The following RBFOX1 variants were observed in gnomAD, a reference collection of about 807,000 sequenced individuals.
RBFOX1 encodes RNA binding protein fox-1 homolog 1.
A neutral mutation model predicts 57.7 loss-of-function variants in RBFOX1; 8 were observed. The ratio of observed to expected loss-of-function variants is 0.14; its 90% confidence interval spans 0.08 to 0.25. RBFOX1 has a LOEUF of 0.25. Ranked by LOEUF, RBFOX1 falls within the 10% of genes least tolerant of loss-of-function variation. The pLI is 1.00. For missense variants in RBFOX1, 611 were observed against 548.5 expected (o/e 1.11, Z -1.14); for synonymous variants, 326 against 222.4 (o/e 1.47, Z -4.15).
intron 6 of RBFOX1, among the ~76,000 whole-genome samples, chr16:7,585,916 C>G (rs1037724060): frequency 1.3e-5 from 2 of 152,036 alleles, no homozygotes; most frequent in Non-Finnish European, 2.9e-5. Context: ...TTATCCTGCC[C>G]CACCCCTCAC....
chr16:5,252,270 G>T (rs2151080456), intron 1 of RBFOX1, among the ~76,000 whole-genome samples: 1 of 152,352 alleles, frequency 6.6e-6, no homozygotes, highest in East Asian at 1.9e-4. Context: ...TTGTATTTAT[G>T]CAGGGTTAGG....
intron 2 of RBFOX1, among the ~76,000 whole-genome samples, chr16:6,450,790 C>CATATAT (rs1202007078): frequency 5.7e-5 from 2 of 35,146 alleles, no homozygotes; most frequent in Non-Finnish European, 9.8e-5. Flanking sequence ...TATATATATA[C>CATATAT]ATATATATAT....
Position 6,352,351 on chromosome 16 carries a change from G to A in RBFOX1, c.-64+35294G>A, listed in dbSNP as rs528282082. ...TTGACCCATCATAGATAAACTATCC[G>A]TATTTGTTGAAATAATGATGCCACC... On this transcript the variant is annotated intron_variant, in intron 2 of 15. Transcript: ENST00000550418. Among the ~76,000 whole-genome samples, 13 of 152,196 alleles carry A rather than the reference G, an allele frequency of 8.5e-5. No homozygotes were observed. In the South Asian group the frequency reaches 1.5e-3, roughly 17 times the overall value.
chr16:6,155,657 C>T (rs2096833166), intron 1 of RBFOX1, among the ~76,000 whole-genome samples: 1 of 152,154 alleles, frequency 6.6e-6, no homozygotes, highest in Non-Finnish European at 1.5e-5. Flanking sequence ...GACTTTCTAT[C>T]CCACCAACTC....
intron 3 of RBFOX1, among the ~76,000 whole-genome samples, chr16:6,744,602 G>A (rs904651788): frequency 4.6e-5 from 7 of 151,948 alleles, no homozygotes; most frequent in South Asian, 2.1e-4. Context: ...CCTGTGGATC[G>A]AAGAGAAAAT....
chr16:7,328,757 G>A (rs992565330), intron 4 of RBFOX1: 1 of 152,122 alleles, frequency 6.6e-6, no homozygotes, highest in South Asian at 2.1e-4. Context: ...GGAAGCATTA[G>A]GAGAGAGAAG....
In RBFOX1 at chr16:6,362,750, A is replaced by T. The variant is rs962793269; in HGVS notation, c.-64+45693A>T. On this transcript the variant is annotated intron_variant, in intron 2 of 15. Transcript: ENST00000550418. ...GATGCCTGTGCAGTGGCCTGTGGGG[A>T]GATGGATGGCTTATTTTTTATTGAA... is the stretch of plus-strand genomic sequence containing the variant. Among the ~76,000 whole-genome samples, 7 of 152,230 alleles carry T rather than the reference A, an allele frequency of 4.6e-5. No individual in the cohort carries two copies. The East Asian group carries it at 1.2e-3, about 25-fold the overall frequency.
intron 4 of RBFOX1, among the ~76,000 whole-genome samples, chr16:7,268,552 C>T (rs545030539): frequency 1.3e-5 from 2 of 152,308 alleles, no homozygotes; most frequent in South Asian, 4.1e-4. Flanking sequence ...AATTGACTTG[C>T]TCTTTGCAGC....
At chr16:6,616,607 G>A (rs1030239392) in intron 2 of RBFOX1, among the ~76,000 whole-genome samples, 8 of 152,274 alleles carry the variant, frequency 5.3e-5, no homozygotes, top group Non-Finnish European at 8.8e-5. Context: ...ACCTGGAGGC[G>A]GAGCTTGCAG....
intron 1 of RBFOX1, among the ~76,000 whole-genome samples, chr16:5,306,252 C>T (rs538866234): frequency 6.6e-6 from 1 of 151,994 alleles, no homozygotes; most frequent in South Asian, 2.1e-4. Context: ...TTAGAACCTT[C>T]AGTGATTTGG....
At chr16:6,157,986 T>C (rs2096850506) in intron 1 of RBFOX1, among the ~76,000 whole-genome samples, 1 of 152,220 alleles carries the variant, frequency 6.6e-6, no homozygotes, top group African/African-American at 2.4e-5. Flanking sequence ...TGAGATATAC[T>C]AATTGGCTGA....
chr16:6,756,833 G>A (rs1389713164), intron 3 of RBFOX1, among the ~76,000 whole-genome samples: 1 of 152,032 alleles, frequency 6.6e-6, no homozygotes, highest in Admixed American at 6.6e-5. Flanking sequence ...AAATTAGCCA[G>A]GCGTGGTGGC....
intron 3 of RBFOX1, among the ~76,000 whole-genome samples, chr16:7,010,976 A>C (rs911314751): frequency 6.6e-6 from 1 of 152,148 alleles, no homozygotes; most frequent in Non-Finnish European, 1.5e-5. Flanking sequence ...TTAACTACTT[A>C]GGCTGTTCTT....
At chr16:5,703,517 G>C (rs540397991) in intron 3 of RBFOX1, among the ~76,000 whole-genome samples, 18 of 152,160 alleles carry the variant, frequency 1.2e-4, no homozygotes, top group Non-Finnish European at 2.6e-4. Context: ...TTCTTCCAAG[G>C]ATTTTGGTCT....
chr16:6,324,129 AT>A (rs1218498843), intron 2 of RBFOX1, among the ~76,000 whole-genome samples: 1 of 151,992 alleles, frequency 6.6e-6, no homozygotes, highest in Non-Finnish European at 1.5e-5. Context: ...GTAATTTCTC[AT>A]CCCTCACCTT....
chr16:7,017,505 A>G (rs1597118839), intron 3 of RBFOX1, among the ~76,000 whole-genome samples: 1 of 152,206 alleles, frequency 6.6e-6, no homozygotes, highest in African/African-American at 2.4e-5. Flanking sequence ...GATACTGCTA[A>G]CTCAGGAGTC....
At position 7,000,586 on chromosome 16, in the gene RBFOX1, C is replaced by CTTTTTTTTTTTTT. The variant is rs149516490; in HGVS notation, c.-15-51466_-15-51465insTTTTTTTTTTTTT. Among the ~76,000 whole-genome samples, 30 of 95,834 alleles carry CTTTTTTTTTTTTT rather than the reference C, an allele frequency of 3.1e-4. 1 individual carries two copies. The highest frequency in any genetic ancestry group is 1.0e-3 in the African/African-American group (30 of 29,332). The allele number at this position is 95,834 out of a possible 152,430, so 62.9% of individuals were successfully genotyped here. A position where few individuals can be genotyped will look rare whatever the true frequency, so the allele number is the denominator to read the frequency against. On this transcript the variant is annotated intron_variant, in intron 3 of 15. Coordinates refer to ENST00000550418, the MANE Select transcript of RBFOX1 (RefSeq NM_018723.4). Reference sequence around the variant, plus strand: ...TAAGTTTTCTTTTCTTTTTTTCTTTCTTTTTCTTTCTTTTTTTTTTTTTTT... The same window carrying CTTTTTTTTTTTTT: ...TAAGTTTTCTTTTCTTTTTTTCTTTCTTTTTTTTTTTTTTTTTTCTTTCTTTTTTTTTTTTTTT...
intron 4 of RBFOX1, among the ~76,000 whole-genome samples, chr16:5,905,680 C>G (rs902706158): frequency 3.3e-5 from 5 of 152,114 alleles, no homozygotes. Flanking sequence ...GAGGGAGACC[C>G]TGTCCAACGC....
rs371739158 is a variant in RBFOX1, at chr16:5,797,251, C to T, written c.319-70052C>T. ...TACCTTTTGGATCTTTGAAGGTAAA[C>T]TACATAGACTGGATTTGCATCAATG... is the stretch of plus-strand genomic sequence containing the variant. On this transcript the variant is annotated intron_variant, in intron 3 of 19. Transcript: ENST00000641259. 7.9e-5 allele frequency among the ~76,000 whole-genome samples: 12 copies of T among 152,282 alleles called. No homozygotes were observed. The East Asian group carries it at 1.2e-3, about 15-fold the overall frequency.
Sources: gnomAD v4.1 joint callset for allele counts (sites outside exome capture counted in the v4.1 genomes callset) on GRCh38, gnomAD v4.1.1 for gene constraint, MANE v1.5 for transcripts, NCBI Gene and HGNC (gene_info 2026-07-23, HGNC 2026-07-21) for gene names.